The following ARHGAP30 variants were observed in gnomAD, a reference collection of about 807,000 sequenced individuals.
The protein encoded by ARHGAP30 is Rho GTPase activating protein 30.
In ARHGAP30, 23 loss-of-function variants were observed where a neutral mutation model predicts 72.0. That is an observed-to-expected ratio of 0.32 (90% CI 0.23 to 0.45). ARHGAP30 has a LOEUF of 0.45. Ranked by LOEUF, ARHGAP30 falls within the 20% of genes least tolerant of loss-of-function variation. ARHGAP30 has a pLI of 1.00. For synonymous variants in ARHGAP30, 576 were observed against 528.2 expected (o/e 1.09, Z -1.24); for missense variants, 1,319 against 1,383.4 (o/e 0.95, Z 0.74).
Position 161,052,628 on chromosome 1 carries a change from G to A in ARHGAP30, c.834C>T (p.His278=). Residue 278 remains histidine, a splice_region_variant and synonymous_variant, in exon 7 of 12, where the codon CAC becomes CAT. Coordinates refer to ENST00000368013, the MANE Select transcript of ARHGAP30 (RefSeq NM_001025598.2). ...AAGGCCCAGGAAGGAGGCCTTACTTGTGCTCTGCAATCTCGATGATAGTAT... is the reference window on the plus strand; with the variant it reads ...AAGGCCCAGGAAGGAGGCCTTACTTATGCTCTGCAATCTCGATGATAGTAT... ...PYHTIIEIAE[H]KRKGSLKVRK... 1 of 1,613,920 alleles carries A rather than the reference G, an allele frequency of 6.2e-7. No individual in the cohort carries two copies. Among genetic ancestry groups the A allele is most frequent in the Non-Finnish European group, 8.5e-7 (1 of 1,179,904 alleles).
Position 161,056,666 on chromosome 1 carries a change from G to A in ARHGAP30, c.201-134C>T, listed in dbSNP as rs554265038. ...ACTTGGAAGGAGAATGTTGGGACAC[G>A]TACACATGTAAGCCAGTAAGTATAA... is the stretch of plus-strand genomic sequence containing the variant. On this transcript the variant is annotated intron_variant, in intron 2 of 11. Transcript: ENST00000368013. The A allele has an allele frequency of 1.1e-4, 101 of 934,624 alleles. 1 individual carries two copies. The highest frequency in any genetic ancestry group is 5.6e-4 in the African/African-American group (34 of 60,734). 57.9% of individuals were successfully genotyped at this position (934,624 alleles called of 1,614,324 possible).
chr1:161,054,224 T>C, intron 5 of ARHGAP30, 142 bp downstream of exon 5: 2 of 737,808 alleles, frequency 2.7e-6, no homozygotes, highest in South Asian at 3.4e-5. Context: ...CACCATGATC[T>C]TGAACCTTCT....
At chr1:161,056,608 G>A in intron 2 of ARHGAP30, 76 bp from the exon 3 acceptor site, 2 of 1,506,854 alleles carry the variant, frequency 1.3e-6, no homozygotes, top group South Asian at 1.2e-5. Context: ...ATAGAGATGG[G>A]TCCCGGCATG....
At chr1:161,049,363 C>G in intron 11 of ARHGAP30, 29 bp from the exon 12 acceptor site, 1 of 1,603,496 alleles carries the variant, frequency 6.2e-7, no homozygotes, top group Non-Finnish European at 8.5e-7. Context: ...GACTCAGGAC[C>G]AGGAGGCCCT....
Position 161,054,379 on chromosome 1 carries a change from G to C in ARHGAP30, c.523C>G (p.Pro175Ala), listed in dbSNP as rs530769078. Residue 175 changes from proline (P) to alanine (A), a missense_variant, in exon 5 of 12, where the codon CCC becomes GCC. By Grantham distance (27) the Pro-to-Ala change is conservative. This residue lies in a region of ARHGAP30 where 222 missense variants were observed against 338.2 expected (regional missense o/e 0.66). Coordinates refer to ENST00000368013, the MANE Select transcript of ARHGAP30 (RefSeq NM_001025598.2). ...HARNLAIVWA[P>A]NLLRSKDIEA... ...ACAGGCACCTACCTCAGCAGGTTGG[G>C]AGCCCACACGATGGCCAGGTTGCGA... 1 of 1,613,794 alleles carries C rather than the reference G, an allele frequency of 6.2e-7. No individual in the cohort carries two copies. The highest frequency in any genetic ancestry group is 1.7e-5 in the Admixed American group (1 of 59,968).
In ARHGAP30 at chr1:161,056,520, C is replaced by T; in HGVS notation, c.213G>A (p.Glu71=). The change falls in exon 3 of 12, where the codon GAG becomes GAA. Residue 71 remains glutamate, a synonymous_variant. Transcript: ENST00000368013. ...SNIQKLRQEF[E]SERKPDLRRD... ...GACGCAGGTCTGGCTTCCGCTCTGA[C>T]TCAAATTCCTGCCTGGGGAGGCGCG... is the stretch of plus-strand genomic sequence containing the variant. The T allele has an allele frequency of 1.2e-6, 2 of 1,613,428 alleles. No homozygotes were observed. Among genetic ancestry groups the T allele is most frequent in the Non-Finnish European group, 1.7e-6 (2 of 1,179,904 alleles).
intron 2 of ARHGAP30, among the ~76,000 whole-genome samples, chr1:161,057,707 C>T (rs139990990): frequency 2.6e-4 from 40 of 152,256 alleles, no homozygotes; most frequent in African/African-American, 9.4e-4. Context: ...TTTACATTTA[C>T]AGGGATGGCT....
intron 2 of ARHGAP30, among the ~76,000 whole-genome samples, chr1:161,057,283 T>C (rs1651947346): frequency 6.6e-6 from 1 of 151,226 alleles, no homozygotes. Context: ...GCCTCCTGAG[T>C]AGCTGGACTA....
Position 161,069,812 on chromosome 1 carries a change from G to T in ARHGAP30, c.-188C>A, listed in dbSNP as rs923664637. The T allele has an allele frequency of 3.3e-6, 2 of 603,192 alleles. No homozygotes were observed. The highest frequency in any genetic ancestry group is 5.9e-6 in the Non-Finnish European group (2 of 339,056). 37.4% of individuals were successfully genotyped at this position (603,192 alleles called of 1,614,324 possible). On this transcript the variant is annotated 5_prime_UTR_variant, in exon 1 of 12. Transcript: ENST00000368013. The surrounding 1 kb of genome is among the most constrained non-coding windows in gnomAD (Gnocchi z 4.9). ...CCTGCCCCTGGGGCCCCGGCCACAC[G>T]GAAGTGGCTGTTGAAGAGGAAGCTA...
At chr1:161,051,988 C>T (rs1447045569) in intron 9 of ARHGAP30, among the ~76,000 whole-genome samples, 3 of 11,174 alleles carry the variant, frequency 2.7e-4, no homozygotes, top group Non-Finnish European at 4.2e-4. Context: ...ACCACCACCA[C>T]CACCACCACC....
chr1:161,061,075 A>C (rs1274954269), intron 1 of ARHGAP30, among the ~76,000 whole-genome samples: 1 of 152,136 alleles, frequency 6.6e-6, no homozygotes, highest in Non-Finnish European at 1.5e-5. Flanking sequence ...GTCCCAACCC[A>C]AATGGAACAG....
At chr1:161,061,961 G>A (rs916956843) in intron 1 of ARHGAP30, among the ~76,000 whole-genome samples, 2 of 152,100 alleles carry the variant, frequency 1.3e-5, no homozygotes, top group Non-Finnish European at 2.9e-5. Context: ...GGCAGCGCAC[G>A]CCTATAATTC....
chr1:161,050,033 T>C (rs1346095525), intron 10 of ARHGAP30, among the ~76,000 whole-genome samples: 2 of 152,192 alleles, frequency 1.3e-5, no homozygotes, highest in Non-Finnish European at 2.9e-5. Flanking sequence ...CAGCCAAAAT[T>C]TGAACCCAAG....
At chr1:161,065,868 C>CTCAT (rs774404701) in intron 1 of ARHGAP30, among the ~76,000 whole-genome samples, 1 of 133,174 alleles carries the variant, frequency 7.5e-6, no homozygotes, top group Non-Finnish European at 1.6e-5. Context: ...CACCCGGCCC[C>CTCAT]TTATTTATTT....
rs372513981 is a variant in ARHGAP30, at chr1:161,049,107, T to C, written c.1914A>G (p.Ala638=). 1.1e-5 allele frequency: 18 copies of C among 1,613,994 alleles called. No homozygotes were observed. Among genetic ancestry groups the C allele is most frequent in the Non-Finnish European group, 1.5e-5 (18 of 1,180,000 alleles). The change falls in exon 12 of 12, where the codon GCA becomes GCG. Residue 638 remains alanine, a synonymous_variant. Transcript: ENST00000368013. ...GTCCCAGAGCCTGCCTTCCACATCC[T>C]GCTGCCTCTCCCTCCAGACTCCCTG... ...KGSGSLEGEA[A]GCGRQALGQG...
At position 161,047,784 on chromosome 1, in the gene ARHGAP30, C is replaced by T; in HGVS notation, c.3237G>A (p.Leu1079=). The change falls in exon 12 of 12, where the codon CTG becomes CTA. Residue 1079 remains leucine, a synonymous_variant. Coordinates refer to ENST00000368013, the MANE Select transcript of ARHGAP30 (RefSeq NM_001025598.2). ...CATATGACCTGCGCTGAGAGGACAA[C>T]AGGGGGTCAGGAACCTGGGGTTCTC... ...PPREPQVPDP[L]LSSQRRSYAF... 1 of 1,592,238 alleles carries T rather than the reference C, an allele frequency of 6.3e-7. No homozygotes were observed. The highest frequency in any genetic ancestry group is 8.5e-7 in the Non-Finnish European group (1 of 1,171,244).
intron 1 of ARHGAP30, among the ~76,000 whole-genome samples, chr1:161,065,525 A>G (rs923157621): frequency 3.3e-5 from 5 of 151,742 alleles, no homozygotes; most frequent in South Asian, 2.1e-4. Flanking sequence ...ATCAATCCCA[A>G]TCTTTCCTTT....
At chr1:161,053,039 C>T in intron 6 of ARHGAP30, 4 of 861,754 alleles carry the variant, frequency 4.6e-6, no homozygotes, top group Non-Finnish European at 6.9e-6. Flanking sequence ...GCCTTGGGAG[C>T]CAGGATGGTG....
intron 3 of ARHGAP30, among the ~76,000 whole-genome samples, chr1:161,055,895 TAAAATAAAATA>T (rs1651827914): frequency 2.1e-4 from 8 of 37,252 alleles, no homozygotes; most frequent in African/African-American, 5.0e-4. Context: ...ATAAATAAAA[TAAAATAAAATA>T]AAATAAAATA....
Sources: gnomAD v4.1 joint callset for allele counts (sites outside exome capture counted in the v4.1 genomes callset) on GRCh38, gnomAD v4.1.1 for gene constraint, gnomAD v4.1.1 regional missense constraint, Gnocchi (gnomAD v3.1) non-coding constraint, MANE v1.5 for transcripts, NCBI Gene and HGNC (gene_info 2026-07-23, HGNC 2026-07-21) for gene names.